FDFT1: variants seen among roughly 807,000 people sequenced by gnomAD.
FDFT1 encodes the protein farnesyl-diphosphate farnesyltransferase 1, also known as squalene synthase.
Under a neutral mutation model 46.8 loss-of-function variants are expected in FDFT1, and 68 were observed. That is an observed-to-expected ratio of 1.45 (90% CI 1.19 to 1.78). The LOEUF (loss-of-function observed/expected upper bound fraction) is 1.78, where lower values mean the gene tolerates loss of function less well. FDFT1 is among the 40% of genes most tolerant of loss of function. The pLI is 0.00. For missense variants in FDFT1, 928 were observed against 524.4 expected, an observed-to-expected ratio of 1.77 and a Z score of -7.52; for synonymous variants, 351 against 185.1, an observed-to-expected ratio of 1.90 and a Z score of -7.28.
chr8:11,809,956 G>A, intron 3 of FDFT1, 106 bp downstream of exon 3: 1 of 847,440 alleles, frequency 1.2e-6, no homozygotes, highest in Non-Finnish European at 1.8e-6. Flanking sequence ...TAAGCATTCT[G>A]AGGGCAGCAT....
At chr8:11,832,440 C>T (rs1810931715) in intron 7 of FDFT1, among the ~76,000 whole-genome samples, 1 of 150,102 alleles carries the variant, frequency 6.7e-6, no homozygotes, top group Non-Finnish European at 1.5e-5. Flanking sequence ...GTCCCAGCTA[C>T]TCAGGAGGCT....
At position 11,803,219 on chromosome 8, in the gene FDFT1, C is replaced by CT. The variant is rs995335814; in HGVS notation, c.99+290dup. The CT allele has an allele frequency of 1.4e-4, 202 of 1,407,312 alleles. No homozygotes were observed. The African/African-American group carries it at 2.8e-3, about 19-fold the overall frequency. 87.2% of individuals were successfully genotyped at this position (1,407,312 alleles called of 1,614,324 possible). A position where few individuals can be genotyped will look rare whatever the true frequency, so the allele number is the denominator to read the frequency against. ...TTCGTCCCCTCCGTGAGCATCGGCG[C>CT]TTACCGGTATTTTAACCCGAGGGTT... is the stretch of plus-strand genomic sequence containing the variant. On this transcript the variant is annotated intron_variant, in intron 1 of 7. Coordinates refer to ENST00000220584, the MANE Select transcript of FDFT1 (RefSeq NM_004462.5).
intron 1 of FDFT1, chr8:11,808,201 G>T: frequency 4.6e-6 from 5 of 1,077,736 alleles, no homozygotes; most frequent in Non-Finnish European, 5.7e-6. Flanking sequence ...AGGCCTTATT[G>T]GGAAGAGGAT....
rs766880676 is a variant in FDFT1, at chr8:11,809,754, G to A, written c.285G>A (p.Pro95=). 6.8e-6 allele frequency: 11 copies of A among 1,613,910 alleles called. No homozygotes were observed. Among genetic ancestry groups the A allele is most frequent in the South Asian group, 2.2e-5 (2 of 91,086 alleles). ...CCATCAGTGTGGAAAAGAAGGTCCC[G>A]CTGTTACACAACTTTCACTCTTTCC... ...DMTISVEKKV[P]LLHNFHSFLY... Residue 95 remains proline (P), a synonymous_variant, in exon 3 of 8, where the codon CCG becomes CCA. Coordinates refer to ENST00000220584, the MANE Select transcript of FDFT1 (RefSeq NM_004462.5).
intron 3 of FDFT1, among the ~76,000 whole-genome samples, chr8:11,816,897 A>G (rs1245073608): frequency 6.6e-6 from 1 of 152,174 alleles, no homozygotes; most frequent in Non-Finnish European, 1.5e-5. Context: ...AGAACTACCA[A>G]TACTGTGTTG....
chr8:11,829,759 G>T (rs997810759), intron 5 of FDFT1, among the ~76,000 whole-genome samples: 2 of 152,134 alleles, frequency 1.3e-5, no homozygotes, highest in African/African-American at 4.8e-5. Context: ...AATAGCTATT[G>T]CATGGAGCTT....
At chr8:11,800,826 C>T (rs994897016), upstream of FDFT1, among the ~76,000 whole-genome samples, 16 of 152,192 alleles carry the variant, frequency 1.1e-4, no homozygotes, top group African/African-American at 3.9e-4. Flanking sequence ...GGAACCTCTA[C>T]TTTACTTTTT....
At chr8:11,802,628 C>G (rs1456060541), upstream of FDFT1, 3 of 594,004 alleles carry the variant, frequency 5.1e-6, no homozygotes, top group African/African-American at 3.8e-5. Flanking sequence ...GCCCGTCAGC[C>G]CACCCCACGA....
intron 3 of FDFT1, among the ~76,000 whole-genome samples, chr8:11,812,596 A>T (rs7009514): frequency 0.2 from 30,392 of 152,192 alleles, 3,857 homozygotes; most frequent in African/African-American, 0.36. Context: ...TACAAAGATA[A>T]GTTTGTCAGT....
chr8:11,814,998 C>T (rs999848287), intron 3 of FDFT1, among the ~76,000 whole-genome samples: 4 of 152,120 alleles, frequency 2.6e-5, no homozygotes, highest in Non-Finnish European at 4.4e-5. Context: ...AGGTATTTCT[C>T]GTAATGCTAT....
chr8:11,836,385 G>A (rs1811539643), intron 7 of FDFT1, among the ~76,000 whole-genome samples: 1 of 152,210 alleles, frequency 6.6e-6, no homozygotes, highest in Admixed American at 6.5e-5. Flanking sequence ...CTGCTCCAGA[G>A]ACCTCTCGCT....
At chr8:11,827,417 C>T (rs1170210261) in intron 5 of FDFT1, among the ~76,000 whole-genome samples, 2 of 151,766 alleles carry the variant, frequency 1.3e-5, no homozygotes, top group African/African-American at 2.4e-5. Context: ...ATTCGGGAGG[C>T]TAAGGCACAA....
At chr8:11,797,132 T>G (rs1020789641) in intron 1 of FDFT1, among the ~76,000 whole-genome samples, 6 of 152,288 alleles carry the variant, frequency 3.9e-5, no homozygotes, top group African/African-American at 1.2e-4. Flanking sequence ...GGCAAACTGG[T>G]GGGCGTGTCT....
intron 7 of FDFT1, among the ~76,000 whole-genome samples, chr8:11,837,771 T>G (rs1247828277): frequency 2.0e-5 from 3 of 152,166 alleles, no homozygotes; most frequent in African/African-American, 7.2e-5. Context: ...CGTTGGAGAC[T>G]GAGATAGCTC....
rs141415150 is a variant in FDFT1 at position 11,820,131 on chromosome 8, G to A, written c.382-1619G>A. ...TGCAGGTCTGTTGGAGTTGCTGGAGGTCCACTCTAGACCCTGTTTACCTGG... is the reference window on the plus strand; with the variant it reads ...TGCAGGTCTGTTGGAGTTGCTGGAGATCCACTCTAGACCCTGTTTACCTGG... On this transcript the variant is annotated intron_variant, in intron 3 of 7. Transcript: ENST00000220584. Among the ~76,000 whole-genome samples, 939 of 152,278 alleles carry A rather than the reference G, an allele frequency of 6.2e-3. 12 individuals are homozygous for A. The highest frequency in any genetic ancestry group is 0.031 in the South Asian group (149 of 4,818).
chr8:11,804,263 A>G (rs572658539), intron 1 of FDFT1, among the ~76,000 whole-genome samples: 56 of 152,374 alleles, frequency 3.7e-4, no homozygotes, highest in African/African-American at 1.3e-3. Flanking sequence ...ATTTGGGTCC[A>G]GACTTCATTC....
chr8:11,833,998 G>T (rs1811212594), intron 7 of FDFT1, among the ~76,000 whole-genome samples: 1 of 152,224 alleles, frequency 6.6e-6, no homozygotes, highest in African/African-American at 2.4e-5. Flanking sequence ...AGTTTTAAAT[G>T]AAAACATTTT....
At chr8:11,797,211 C>T (rs1212687667) in intron 1 of FDFT1, among the ~76,000 whole-genome samples, 2 of 152,176 alleles carry the variant, frequency 1.3e-5, no homozygotes, top group Non-Finnish European at 1.5e-5. Context: ...CTGAACCCCA[C>T]CTCTGGAGTC....
At position 11,809,114 on chromosome 8, in the gene FDFT1, A is replaced by AG. The variant is rs1470716348; in HGVS notation, c.197+228dup. 1.1e-5 allele frequency: 14 copies of AG among 1,264,260 alleles called. No homozygotes were observed. In the African/African-American group the frequency reaches 1.6e-4, roughly 14 times the overall value. 78.3% of individuals were successfully genotyped at this position (1,264,260 alleles called of 1,614,324 possible). ...CCCAGCCTTTCAGAGAAGAGGGGGG[A>AG]GGGGGTGATGTTTATTAACTTTTTT... On this transcript the variant is annotated intron_variant, in intron 2 of 7. Transcript: ENST00000220584.
Sources: allele counts gnomAD v4.1 joint callset (sites outside exome capture counted in the v4.1 genomes callset), GRCh38; gene constraint gnomAD v4.1.1; transcripts MANE v1.5; gene names NCBI Gene and HGNC (gene_info 2026-07-23, HGNC 2026-07-21).